CNTN3: variants seen among roughly 807,000 people sequenced by gnomAD.
CNTN3 encodes contactin 3.
A neutral mutation model predicts 119.1 loss-of-function variants in CNTN3; 60 were observed. That is an observed-to-expected ratio of 0.50 (90% CI 0.41 to 0.62). The LOEUF (loss-of-function observed/expected upper bound fraction) is 0.62. CNTN3 is among the 20% of genes least tolerant of loss of function. The pLI, the probability that CNTN3 is intolerant of heterozygous loss-of-function variation, is 0.00. For synonymous variants in CNTN3, 450 were observed against 438.7 expected (o/e 1.03, Z -0.32); for missense variants, 1,101 against 1,242.4 (o/e 0.89, Z 1.71).
chr3:74,320,394 C>T (rs2106669845), intron 13 of CNTN3, among the ~76,000 whole-genome samples: 1 of 152,226 alleles, frequency 6.6e-6, no homozygotes, highest in Non-Finnish European at 1.5e-5. Flanking sequence ...TGGAAACCAT[C>T]ACTCTCAGCA....
intron 5 of CNTN3, among the ~76,000 whole-genome samples, chr3:74,388,646 T>C (rs1040365869): frequency 1.3e-5 from 2 of 152,102 alleles, no homozygotes; most frequent in Non-Finnish European, 2.9e-5. Flanking sequence ...ACAGCAAAAA[T>C]AGTCTTTGAA....
intron 20 of CNTN3, among the ~76,000 whole-genome samples, chr3:74,276,606 T>A (rs907321768): frequency 6.6e-6 from 1 of 151,760 alleles, no homozygotes; most frequent in Admixed American, 6.6e-5. Context: ...ACACAACCTA[T>A]CAAAACCTCT....
intron 4 of CNTN3, among the ~76,000 whole-genome samples, chr3:74,478,822 T>A (rs919729635): frequency 6.6e-6 from 1 of 152,064 alleles, no homozygotes; most frequent in Non-Finnish European, 1.5e-5. Flanking sequence ...ACAACCTGGA[T>A]AAAACAGTTC....
At chr3:74,470,210 A>G (rs1394258591) in intron 4 of CNTN3, among the ~76,000 whole-genome samples, 1 of 152,086 alleles carries the variant, frequency 6.6e-6, no homozygotes, top group African/African-American at 2.4e-5. Flanking sequence ...GAGATGGCTA[A>G]TGGGCATGGT....
intron 4 of CNTN3, among the ~76,000 whole-genome samples, chr3:74,441,420 A>G (rs1701964917): frequency 6.6e-6 from 1 of 152,126 alleles, no homozygotes; most frequent in South Asian, 2.1e-4. Context: ...TTTTCTTTAT[A>G]AGTTTTATCT....
chr3:74,533,815 C>A (rs1559648629), intron 1 of CNTN3, among the ~76,000 whole-genome samples: 1 of 151,998 alleles, frequency 6.6e-6, no homozygotes, highest in South Asian at 2.1e-4. Context: ...TTGAGAGTGA[C>A]CTGGGCTCCC....
At chr3:74,416,427 C>G (rs1701522183) in intron 5 of CNTN3, among the ~76,000 whole-genome samples, 1 of 152,104 alleles carries the variant, frequency 6.6e-6, no homozygotes, top group African/African-American at 2.4e-5. Flanking sequence ...GCAACCTGTT[C>G]CAAATTCCAT....
At chr3:74,592,644 T>C (rs545535707) in intron 1 of CNTN3, among the ~76,000 whole-genome samples, 60 of 151,944 alleles carry the variant, frequency 3.9e-4, no homozygotes, top group African/African-American at 1.4e-3. Flanking sequence ...TGAAGGAAAA[T>C]GAGAATAAAG....
At chr3:74,523,112 A>C (rs1034112067) in intron 1 of CNTN3, among the ~76,000 whole-genome samples, 2 of 151,442 alleles carry the variant, frequency 1.3e-5, no homozygotes, top group African/African-American at 4.9e-5. Flanking sequence ...CCTTCTGCTC[A>C]ATCAATGACA....
chr3:74,611,526 A>C (rs1705081872), intron 1 of CNTN3, among the ~76,000 whole-genome samples: 1 of 152,158 alleles, frequency 6.6e-6, no homozygotes, highest in African/African-American at 2.4e-5. Flanking sequence ...ACAACACTCG[A>C]TCCATTTCTG....
intron 11 of CNTN3, among the ~76,000 whole-genome samples, chr3:74,354,967 T>C (rs1031339198): frequency 2.0e-5 from 3 of 152,092 alleles, no homozygotes; most frequent in Non-Finnish European, 2.9e-5. Flanking sequence ...TTGTATCCAC[T>C]ACAATGGCTC....
At chr3:74,363,634 T>C (rs1704124862) in intron 10 of CNTN3, among the ~76,000 whole-genome samples, 1 of 152,148 alleles carries the variant, frequency 6.6e-6, no homozygotes, top group Non-Finnish European at 1.5e-5. Context: ...ACACTTTGAC[T>C]TCCCTTTGAG....
intron 13 of CNTN3, among the ~76,000 whole-genome samples, chr3:74,324,054 G>C (rs867178299): frequency 6.6e-6 from 1 of 151,934 alleles, no homozygotes; most frequent in Non-Finnish European, 1.5e-5. Context: ...TTGTATGCTG[G>C]TATATACACA....
chr3:74,306,159 G>C (rs1702558588), intron 13 of CNTN3, among the ~76,000 whole-genome samples: 2 of 139,778 alleles, frequency 1.4e-5, no homozygotes, highest in South Asian at 2.4e-4. Flanking sequence ...GTCATTGTTA[G>C]AGAATATAGT....
chr3:74,530,547 A>G (rs1005778461), intron 1 of CNTN3, among the ~76,000 whole-genome samples: 1 of 151,818 alleles, frequency 6.6e-6, no homozygotes, highest in Non-Finnish European at 1.5e-5. Context: ...ATGATACTAA[A>G]TGAGACCACT....
rs139394143 is a variant in CNTN3, at chr3:74,387,478, T to C, written c.455-16079A>G. 4.7e-3 allele frequency among the ~76,000 whole-genome samples: 722 copies of C among 152,286 alleles called. 12 individuals are homozygous for C. Among genetic ancestry groups the C allele is most frequent in the African/African-American group, 0.017 (687 of 41,560 alleles). On this transcript the variant is annotated intron_variant, in intron 5 of 22. Coordinates refer to ENST00000263665, the MANE Select transcript of CNTN3 (RefSeq NM_020872.3). ...CTGAGAAATACTCAAAATGCAGAAA[T>C]GCCAAAACACAGCATGTTTTCTGCT...
At chr3:74,524,378 C>G (rs1703585952) in intron 1 of CNTN3, among the ~76,000 whole-genome samples, 1 of 151,680 alleles carries the variant, frequency 6.6e-6, no homozygotes, top group South Asian at 2.1e-4. Context: ...CGAGTGACAC[C>G]TTGTTTAAAT....
intron 4 of CNTN3, among the ~76,000 whole-genome samples, chr3:74,445,390 G>A (rs1020008622): frequency 6.6e-6 from 1 of 151,964 alleles, no homozygotes; most frequent in Non-Finnish European, 1.5e-5. Context: ...AGCCTCTCGA[G>A]CAGCTGGGAT....
At chr3:74,349,205 A>G (rs1033257208) in intron 11 of CNTN3, among the ~76,000 whole-genome samples, 1 of 152,218 alleles carries the variant, frequency 6.6e-6, no homozygotes, top group Non-Finnish European at 1.5e-5. Context: ...ACATGTACAG[A>G]GCAGAGGCTT....
Sources: gnomAD v4.1 joint callset for allele counts (sites outside exome capture counted in the v4.1 genomes callset) on GRCh38, gnomAD v4.1.1 for gene constraint, MANE v1.5 for transcripts, NCBI Gene and HGNC (gene_info 2026-07-23, HGNC 2026-07-21) for gene names.